PCDH15: variants seen among roughly 807,000 people sequenced by gnomAD.
PCDH15 encodes protocadherin-15.
In PCDH15, 129 loss-of-function variants were observed where a neutral mutation model predicts 178.5. The ratio of observed to expected loss-of-function variants is 0.72; its 90% confidence interval spans 0.63 to 0.84. PCDH15 has a LOEUF of 0.84. PCDH15 is among the 40% of genes least tolerant of loss of function. The pLI, the probability that PCDH15 is intolerant of heterozygous loss-of-function variation, is 0.00. For missense variants in PCDH15, 2,230 were observed against 2,099.9 expected, an observed-to-expected ratio of 1.06 and a Z score of -1.21; for synonymous variants, 800 against 732.0, an observed-to-expected ratio of 1.09 and a Z score of -1.50.
At chr10:55,093,160 T>C (rs1842358149) in intron 2 of PCDH15, among the ~76,000 whole-genome samples, 1 of 152,078 alleles carries the variant, frequency 6.6e-6, no homozygotes, top group Non-Finnish European at 1.5e-5. Flanking sequence ...ATGGTATCCA[T>C]TATAGTTTGG....
chr10:54,136,925 T>C (rs1435595545), intron 14 of PCDH15, among the ~76,000 whole-genome samples: 1 of 152,212 alleles, frequency 6.6e-6, no homozygotes, highest in East Asian at 1.9e-4. Context: ...TATTAAGGTC[T>C]TGTATTTTTC....
intron 2 of PCDH15, among the ~76,000 whole-genome samples, chr10:54,969,241 A>G (rs926953548): frequency 6.6e-6 from 1 of 152,184 alleles, no homozygotes; most frequent in African/African-American, 2.4e-5. Flanking sequence ...GGAGAGAGGC[A>G]CATTACTTGG....
At chr10:55,404,143 T>C (rs1051008692) in intron 2 of PCDH15, among the ~76,000 whole-genome samples, 3 of 152,060 alleles carry the variant, frequency 2.0e-5, no homozygotes. Flanking sequence ...CATTTTCCTC[T>C]TGGGATATTG....
chr10:53,878,764 G>A (rs1209200951), intron 26 of PCDH15, among the ~76,000 whole-genome samples: 3 of 151,920 alleles, frequency 2.0e-5, no homozygotes, highest in Non-Finnish European at 4.4e-5. Context: ...ACCACGTGCA[G>A]TCAGTGGTCA....
intron 5 of PCDH15, among the ~76,000 whole-genome samples, chr10:54,358,397 A>T (rs1945400621): frequency 6.6e-6 from 1 of 152,184 alleles, no homozygotes; most frequent in African/African-American, 2.4e-5. Context: ...TGCAGCCAAA[A>T]AACACATGAA....
chr10:54,058,945 C>T (rs985634439), intron 18 of PCDH15, among the ~76,000 whole-genome samples: 10 of 152,194 alleles, frequency 6.6e-5, no homozygotes, highest in Non-Finnish European at 1.2e-4. Context: ...CCACCCGCCT[C>T]GGCCTCCCAA....
chr10:53,855,099 C>G (rs1224807572), intron 28 of PCDH15, among the ~76,000 whole-genome samples: 1 of 151,896 alleles, frequency 6.6e-6, no homozygotes, highest in African/African-American at 2.4e-5. Flanking sequence ...AACATCCTTT[C>G]AATAAAATGT....
intron 1 of PCDH15, among the ~76,000 whole-genome samples, chr10:54,724,447 T>C (rs1372502755): frequency 1.3e-5 from 2 of 151,546 alleles, no homozygotes; most frequent in Non-Finnish European, 3.0e-5. Context: ...ATTTGGCTAA[T>C]GGATAGAGTA....
chr10:54,742,672 T>G (rs1944960421), intron 1 of PCDH15, among the ~76,000 whole-genome samples: 1 of 151,932 alleles, frequency 6.6e-6, no homozygotes, highest in African/African-American at 2.4e-5. Context: ...CAGGGTGAAG[T>G]CGGGACATGT....
Position 55,388,360 on chromosome 10 carries a change from G to A in PCDH15, c.-155-221709C>T, listed in dbSNP as rs142091833. Among the ~76,000 whole-genome samples, 1,404 of 151,916 alleles carry A rather than the reference G, an allele frequency of 9.2e-3. 28 individuals are homozygous for A. Among genetic ancestry groups the A allele is most frequent in the Admixed American group, 0.049 (745 of 15,224 alleles). ...ATGGCTGGTTGACCTTCATTTCTGTGCTTAATTTTCATTAACATTGTTCAC... is the reference window on the plus strand; with the variant it reads ...ATGGCTGGTTGACCTTCATTTCTGTACTTAATTTTCATTAACATTGTTCAC... On this transcript the variant is annotated intron_variant, in intron 2 of 5. Transcript: ENST00000613346.
rs564779259 is a variant in PCDH15, at chr10:54,325,667, T to A, written c.705+3929A>T. ...AGGAGGCTGAGGCACGAGAATAGCT[T>A]GAACATGGGAGGCTGAGGTTGCAGT... On this transcript the variant is annotated intron_variant, in intron 7 of 37. Transcript: ENST00000644397. Among the ~76,000 whole-genome samples, 6 of 152,092 alleles carry A rather than the reference T, an allele frequency of 3.9e-5. No individual in the cohort carries two copies. In the South Asian group the frequency reaches 1.2e-3, roughly 32 times the overall value.
chr10:54,390,630 T>A (rs1950443469), intron 3 of PCDH15, among the ~76,000 whole-genome samples: 1 of 152,116 alleles, frequency 6.6e-6, no homozygotes, highest in Non-Finnish European at 1.5e-5. Context: ...GCTATCTTGT[T>A]TTAAAAAAGA....
At chr10:53,888,336 GTATA>G (rs1491117307) in intron 26 of PCDH15, among the ~76,000 whole-genome samples, 1 of 65,738 alleles carries the variant, frequency 1.5e-5, no homozygotes, top group Non-Finnish European at 2.9e-5. Context: ...ATATATGTAC[GTATA>G]TATATATACG....
At chr10:55,432,840 G>A (rs1838920345) in intron 2 of PCDH15, among the ~76,000 whole-genome samples, 1 of 151,622 alleles carries the variant, frequency 6.6e-6, no homozygotes, top group Admixed American at 6.6e-5. Flanking sequence ...TAGCCAGGAT[G>A]CTCTCGATCT....
rs774105843 is a variant in PCDH15, at chr10:55,608,505, C to T, written c.-156+19120G>A. Among the ~76,000 whole-genome samples, 33 of 151,622 alleles carry T rather than the reference C, an allele frequency of 2.2e-4. 1 individual carries two copies. Among genetic ancestry groups the T allele is most frequent in the Admixed American group, 1.2e-3 (18 of 15,202 alleles). ...TTCCTTGGCGAGGTAAAAATTAGAT[C>T]TCTTTTCATATGAATTTACTTCAAG... On this transcript the variant is annotated intron_variant, in intron 2 of 5. Coordinates refer to the PCDH15 transcript ENST00000613346.
chr10:54,447,394 C>T (rs1162484759), intron 3 of PCDH15, among the ~76,000 whole-genome samples: 3 of 151,704 alleles, frequency 2.0e-5, no homozygotes, highest in Non-Finnish European at 1.5e-5. Flanking sequence ...GCAATTTCCC[C>T]CATGCCCTAG....
intron 1 of PCDH15, among the ~76,000 whole-genome samples, chr10:55,239,482 C>T (rs1841485151): frequency 6.6e-6 from 1 of 152,130 alleles, no homozygotes; most frequent in African/African-American, 2.4e-5. Flanking sequence ...GCTAGCAAAA[C>T]TGGATATCCA....
chr10:53,842,804 G>A lies in PCDH15; in HGVS notation c.3807-2308C>T, dbSNP rs75315775. On this transcript the variant is annotated intron_variant, in intron 28 of 37. Coordinates refer to ENST00000644397, the MANE Select transcript of PCDH15 (RefSeq NM_001384140.1). ...AATCAATCAGTTCACAAATCAAAAC[G>A]CAAACAGGAGTACCTAGTTAAATAC... Among the ~76,000 whole-genome samples the A allele has an allele frequency of 9.2e-5, 14 of 152,122 alleles. No homozygotes were observed. The East Asian group carries it at 2.3e-3, about 25-fold the overall frequency.
intron 2 of PCDH15, among the ~76,000 whole-genome samples, chr10:54,538,689 T>C (rs991881821): frequency 1.3e-5 from 2 of 152,152 alleles, no homozygotes; most frequent in African/African-American, 4.8e-5. Context: ...GTTCTTGTGA[T>C]AGTGAGTGAA....
Sources: gnomAD v4.1 joint callset for allele counts (sites outside exome capture counted in the v4.1 genomes callset) on GRCh38, gnomAD v4.1.1 for gene constraint, MANE v1.5 for transcripts, NCBI Gene and HGNC (gene_info 2026-07-23, HGNC 2026-07-21) for gene names.